Variants in INPP4A observed in about 807,000 individuals in gnomAD.
INPP4A encodes the protein inositol polyphosphate-4-phosphatase type I A, also known as inositol polyphosphate-4-phosphatase, type I, 107kD.
INPP4A carries 33 observed loss-of-function variants against 119.8 expected under a neutral mutation model. The ratio of observed to expected loss-of-function variants is 0.28; its 90% CI spans 0.21 to 0.37. The LOEUF (loss-of-function observed/expected upper bound fraction) is 0.37, where lower values mean the gene tolerates loss of function less well. Ranked by LOEUF, INPP4A falls within the 10% of genes least tolerant of loss-of-function variation. The probability of loss-of-function intolerance (pLI) is 1.00; values close to 1 mark genes in which losing one functional copy is unlikely to be tolerated. For synonymous variants in INPP4A, 496 were observed against 500.7 expected (o/e 0.99, Z 0.12); for missense variants, 956 against 1,289.9 (o/e 0.74, Z 3.97).
At chr2:98,481,348 A>G (rs1455562198) in intron 1 of INPP4A, among the ~76,000 whole-genome samples, 1 of 152,144 alleles carries the variant, frequency 6.6e-6, no homozygotes, top group African/African-American at 2.4e-5. Context: ...GAAATGGCAT[A>G]CATTTCCTAT....
intron 13 of INPP4A, among the ~76,000 whole-genome samples, chr2:98,552,010 G>A (rs554406888): frequency 6.6e-6 from 1 of 152,320 alleles, no homozygotes; most frequent in South Asian, 2.1e-4. Flanking sequence ...ATTGTGCTGG[G>A]AGGGGCTGGG....
intron 1 of INPP4A, among the ~76,000 whole-genome samples, chr2:98,506,975 TCTGC>T (rs1429884342): frequency 2.6e-5 from 4 of 152,186 alleles, no homozygotes; most frequent in African/African-American, 9.7e-5. Context: ...TTTTGGAGAG[TCTGC>T]GGTCTGGGGT....
intron 5 of INPP4A, among the ~76,000 whole-genome samples, chr2:98,535,190 A>C (rs894911130): frequency 2.0e-5 from 3 of 152,236 alleles, no homozygotes; most frequent in African/African-American, 7.2e-5. Context: ...CTATGATCAA[A>C]AAACTAGTAG....
rs377587210 is a variant in INPP4A, at chr2:98,544,026, T to C, written c.949+19T>C. The C allele has an allele frequency of 1.3e-6, 2 of 1,550,298 alleles. No homozygotes were observed. Among genetic ancestry groups the C allele is most frequent in the Admixed American group, 2.0e-5 (1 of 50,810 alleles). The stretch of plus-strand genomic sequence containing the variant: ...TACAGAGGTGGGTGCACCCCCATGC[T>C]GTCACCACACACGCGTGCGCACACA... On this transcript the variant is annotated intron_variant, in intron 11 of 24. Transcript: ENST00000409851.
chr2:98,533,703 T>C (rs977303376), intron 5 of INPP4A, among the ~76,000 whole-genome samples: 4 of 152,254 alleles, frequency 2.6e-5, no homozygotes, highest in South Asian at 4.1e-4. Flanking sequence ...TTTACAGTTA[T>C]TGATTAACTG....
chr2:98,564,373 G>GAAT (rs1388457909), intron 18 of INPP4A, among the ~76,000 whole-genome samples: 1 of 152,194 alleles, frequency 6.6e-6, no homozygotes, highest in African/African-American at 2.4e-5. Flanking sequence ...TCCAGCCTAG[G>GAAT]AATAAAGCCA....
intron 1 of INPP4A, among the ~76,000 whole-genome samples, chr2:98,488,691 A>G (rs1680054444): frequency 6.6e-6 from 1 of 152,204 alleles, no homozygotes; most frequent in Admixed American, 6.5e-5. Flanking sequence ...AAAAAACCAG[A>G]GGGGAAAATA....
chr2:98,476,976 A>T (rs543086593), intron 1 of INPP4A, among the ~76,000 whole-genome samples: 39 of 152,350 alleles, frequency 2.6e-4, no homozygotes, highest in African/African-American at 9.4e-4. Flanking sequence ...GATGGCTAGA[A>T]GAGCCTCTGG....
At chr2:98,545,941 CT>C in intron 11 of INPP4A, 27 bp from the exon 12 acceptor site, 1 of 1,508,564 alleles carries the variant, frequency 6.6e-7, no homozygotes, top group Non-Finnish European at 9.0e-7. Context: ...TGCTGATGGC[CT>C]TTATCTTCTC....
intron 13 of INPP4A, among the ~76,000 whole-genome samples, chr2:98,549,422 T>G (rs937417595): frequency 1.3e-5 from 2 of 152,228 alleles, no homozygotes. Context: ...TAATTTATGC[T>G]GATTTTAATA....
At chr2:98,511,776 C>A (rs776105206) in intron 1 of INPP4A, among the ~76,000 whole-genome samples, 3 of 152,170 alleles carry the variant, frequency 2.0e-5, no homozygotes, top group Non-Finnish European at 4.4e-5. Flanking sequence ...TGCTTCACAG[C>A]GGTTCACCAG....
At chr2:98,497,703 C>T (rs1284946921) in intron 1 of INPP4A, among the ~76,000 whole-genome samples, 2 of 152,096 alleles carry the variant, frequency 1.3e-5, no homozygotes, top group Non-Finnish European at 2.9e-5. Flanking sequence ...TGTCTTTTCA[C>T]TCTGTTGATT....
chr2:98,517,331 G>A (rs1686339848), intron 1 of INPP4A, among the ~76,000 whole-genome samples: 1 of 152,146 alleles, frequency 6.6e-6, no homozygotes, highest in East Asian at 1.9e-4. Flanking sequence ...TTCTCTACAG[G>A]CTTTTGGTGA....
intron 5 of INPP4A, among the ~76,000 whole-genome samples, chr2:98,535,068 A>G (rs552692552): frequency 7.9e-5 from 12 of 152,284 alleles, no homozygotes; most frequent in African/African-American, 2.6e-4. Flanking sequence ...TCCAGAGAGA[A>G]AAAGGAGCCA....
chr2:98,498,692 A>G (rs1296410319), intron 1 of INPP4A, among the ~76,000 whole-genome samples: 1 of 152,156 alleles, frequency 6.6e-6, no homozygotes, highest in Non-Finnish European at 1.5e-5. Context: ...CTAACCCCCA[A>G]TGTGACCGTA....
Position 98,555,690 on chromosome 2 carries a change from A to C in INPP4A, c.1704A>C (p.Lys568Asn). 6.2e-7 allele frequency: 1 copy of C among 1,613,826 alleles called. No individual in the cohort carries two copies. ...FPCAGSCTSK[K>N]GNPDSHAYWI... The stretch of plus-strand genomic sequence containing the variant: ...GTGCAGGCAGCTGCACCAGCAAGAA[A>C]GGTAACCCGGACAGCCACGCCTACT... The change falls in exon 16 of 25, where the codon AAA becomes AAC. Residue 568 changes from lysine (K) to asparagine (N), a missense_variant. Lys to Asn is a moderately conservative substitution (Grantham distance 94, BLOSUM62 0). Coordinates refer to ENST00000409851, the MANE Select transcript of INPP4A (RefSeq NM_001134225.2).
intron 1 of INPP4A, among the ~76,000 whole-genome samples, chr2:98,509,454 G>A (rs1046794629): frequency 5.3e-5 from 8 of 152,146 alleles, no homozygotes; most frequent in Admixed American, 6.5e-5. Flanking sequence ...CAGTTTCGTC[G>A]CGAAACCACT....
Position 98,554,333 on chromosome 2 carries a change from C to T in INPP4A, c.1410C>T (p.Asn470=), listed in dbSNP as rs370981535. 22 of 1,612,908 alleles carry T rather than the reference C, an allele frequency of 1.4e-5. No individual in the cohort carries two copies. The highest frequency in any genetic ancestry group is 1.7e-4 in the Middle Eastern group (1 of 6,040). The change falls in exon 15 of 25, where the codon AAC becomes AAT. Residue 470 remains asparagine (N), a synonymous_variant. Transcript: ENST00000409851. This position sits in a 1 kb window ranked among gnomAD's most constrained non-coding sequence, Gnocchi z 4.7. ...TGGCCAACTCCATCCATGGGCTGAA[C>T]GCTGCACGGCCTGACTACATTGCCT... The part of the protein sequence containing the change: ...KLLANSIHGL[N]AARPDYIASK...
intron 1 of INPP4A, among the ~76,000 whole-genome samples, chr2:98,459,244 A>G (rs1199679916): frequency 6.6e-6 from 1 of 152,236 alleles, no homozygotes; most frequent in Non-Finnish European, 1.5e-5. Context: ...TGGGAAAATC[A>G]GCACTCTGAT....
Sources: allele counts gnomAD v4.1 joint callset (sites outside exome capture counted in the v4.1 genomes callset), GRCh38; gene constraint gnomAD v4.1.1; non-coding constraint Gnocchi (gnomAD v3.1); transcripts MANE v1.5; gene names NCBI Gene and HGNC (gene_info 2026-07-23, HGNC 2026-07-21).